CIT: variants seen among roughly 807,000 people sequenced by gnomAD.
CIT encodes citron Rho-interacting kinase.
Under a neutral mutation model 272.7 loss-of-function variants are expected in CIT, and 79 were observed. That is an observed-to-expected ratio of 0.29 (90% CI 0.24 to 0.35). The LOEUF is 0.35. CIT is among the 10% of genes least tolerant of loss of function. The pLI is 1.00. For missense variants in CIT, 1,909 were observed against 2,618.3 expected, an observed-to-expected ratio of 0.73 and a Z score of 5.91; for synonymous variants, 948 against 995.6, an observed-to-expected ratio of 0.95 and a Z score of 0.90.
chr12:119,822,769 G>A, intron 9 of CIT, 51 bp downstream of exon 9: 1 of 1,585,722 alleles, frequency 6.3e-7, no homozygotes, highest in Non-Finnish European at 8.6e-7. Context: ...GATCTCTCTT[G>A]AGTGTTTCAT....
intron 3 of CIT, among the ~76,000 whole-genome samples, chr12:119,858,916 G>A (rs1373797672): frequency 2.0e-5 from 3 of 151,902 alleles, no homozygotes; most frequent in Non-Finnish European, 4.4e-5. Flanking sequence ...CATACTACAT[G>A]TCCAAATGGA....
chr12:119,854,048 C>T (rs1970410833), intron 4 of CIT, among the ~76,000 whole-genome samples: 2 of 150,396 alleles, frequency 1.3e-5, no homozygotes, highest in Admixed American at 1.3e-4. Context: ...TTTTTTGAGA[C>T]GGAGTGTTCG....
intron 13 of CIT, among the ~76,000 whole-genome samples, chr12:119,779,928 G>T (rs75061370): frequency 0.022 from 3,402 of 152,322 alleles, 68 homozygotes; most frequent in East Asian, 0.09. Context: ...AACCTGAGAG[G>T]TGATCATCAG....
chr12:119,807,713 G>A (rs188765652), intron 9 of CIT, among the ~76,000 whole-genome samples: 1 of 152,094 alleles, frequency 6.6e-6, no homozygotes, highest in East Asian at 1.9e-4. Flanking sequence ...AAATGAAGAG[G>A]TTTTAAAAGT....
chr12:119,805,539 C>T (rs1966540809), intron 9 of CIT, among the ~76,000 whole-genome samples: 1 of 152,176 alleles, frequency 6.6e-6, no homozygotes, highest in Non-Finnish European at 1.5e-5. Flanking sequence ...TTCATCTTTC[C>T]TGCACAGGGC....
At chr12:119,858,661 AC>A (rs1950240100) in intron 3 of CIT, among the ~76,000 whole-genome samples, 1 of 152,092 alleles carries the variant, frequency 6.6e-6, no homozygotes, top group African/African-American at 2.4e-5. Context: ...TCTACCAAAA[AC>A]ATACAAAAAA....
At chr12:119,832,893 C>T (rs772561560) in intron 6 of CIT, 29 bp from the exon 7 acceptor site, 2 of 1,523,674 alleles carry the variant, frequency 1.3e-6, no homozygotes, top group South Asian at 2.3e-5. Context: ...CATGAATTGC[C>T]TCCTCCATCC....
intron 16 of CIT, 71 bp from the exon 17 acceptor site, chr12:119,772,981 C>A: frequency 9.1e-6 from 11 of 1,206,150 alleles, no homozygotes; most frequent in South Asian, 1.9e-5. Context: ...ACAGTATGTT[C>A]TGCACATGTA....
rs1957277195 is a variant in CIT, at chr12:119,713,411, G to A, written c.4487+57C>T. The A allele has an allele frequency of 6.3e-7, 1 of 1,599,884 alleles. No individual in the cohort carries two copies. The highest frequency in any genetic ancestry group is 8.5e-7 in the Non-Finnish European group (1 of 1,170,182). On this transcript the variant is annotated intron_variant, in intron 34 of 47. Coordinates refer to ENST00000392521, the MANE Select transcript of CIT (RefSeq NM_001206999.2). The surrounding 1 kb of genome is among the most constrained non-coding windows in gnomAD (Gnocchi z 5.2). ...AAAGACACTTCCCTAGAAAACATCA[G>A]GGACAGAGTGGCTTGTGCCAGCACC... is the stretch of plus-strand genomic sequence containing the variant.
intron 12 of CIT, chr12:119,783,638 G>T: frequency 3.5e-6 from 1 of 287,084 alleles, no homozygotes; most frequent in Admixed American, 4.7e-5. Context: ...TGCAACTTGC[G>T]GCAAAGATGG....
In CIT at chr12:119,697,911, T is replaced by C. The variant is rs1262346121; in HGVS notation, c.5702+65A>G. On this transcript the variant is annotated intron_variant, in intron 45 of 47. Coordinates refer to ENST00000392521, the MANE Select transcript of CIT (RefSeq NM_001206999.2). This position sits in a 1 kb window ranked among gnomAD's most constrained non-coding sequence, Gnocchi z 4.9. ...TTGCTAGGCAAGTTAGGAAGGAACATGCGGCCGGCCCCAACACCTACCCCA... is the reference window on the plus strand; with the variant it reads ...TTGCTAGGCAAGTTAGGAAGGAACACGCGGCCGGCCCCAACACCTACCCCA... 1.2e-6 allele frequency: 2 copies of C among 1,612,990 alleles called. No individual in the cohort carries two copies. Among genetic ancestry groups the C allele is most frequent in the African/African-American group, 2.7e-5 (2 of 74,880 alleles).
chr12:119,838,839 C>T (rs1289695482), intron 5 of CIT, among the ~76,000 whole-genome samples: 1 of 152,162 alleles, frequency 6.6e-6, no homozygotes, highest in African/African-American at 2.4e-5. Flanking sequence ...CTCCTGCACA[C>T]ACAATGAGCA....
intron 9 of CIT, among the ~76,000 whole-genome samples, chr12:119,810,746 G>A (rs1966840362): frequency 6.7e-6 from 1 of 149,248 alleles, no homozygotes; most frequent in South Asian, 2.1e-4. Flanking sequence ...TCTGACAACT[G>A]ATGTTAGAGC....
Position 119,869,173 on chromosome 12 carries a change from T to TA in CIT, c.124_125insT (p.Gln42LeufsTer19), listed in dbSNP as rs1261276075. On this transcript the variant is annotated frameshift_variant, in exon 3 of 48. Transcript: ENST00000392521. LOFTEE classifies it high-confidence loss of function. Reference sequence around the variant, plus strand: ...CCCTTCTCGGGAAAGAGGAGACATCTGCTGTTGAGTCATAAAGGGTGGTTT... The same window carrying TA: ...CCCTTCTCGGGAAAGAGGAGACATCTAGCTGTTGAGTCATAAAGGGTGGTTT... The TA allele has an allele frequency of 6.2e-7, 1 of 1,609,338 alleles. No individual in the cohort carries two copies. The highest frequency in any genetic ancestry group is 8.5e-7 in the Non-Finnish European group (1 of 1,179,030).
chr12:119,739,108 C>T (rs1958934993), intron 24 of CIT, among the ~76,000 whole-genome samples: 1 of 152,110 alleles, frequency 6.6e-6, no homozygotes, highest in Non-Finnish European at 1.5e-5. Flanking sequence ...GCTAAACAGA[C>T]ACAGGACTGA....
intron 22 of CIT, among the ~76,000 whole-genome samples, chr12:119,756,058 A>T (rs965506976): frequency 3.3e-5 from 5 of 152,218 alleles, no homozygotes; most frequent in Non-Finnish European, 7.3e-5. Context: ...CCTATAAAGG[A>T]GATACATTAT....
chr12:119,719,665 C>G (rs946343483), intron 30 of CIT, among the ~76,000 whole-genome samples: 1 of 152,154 alleles, frequency 6.6e-6, no homozygotes, highest in African/African-American at 2.4e-5. Context: ...CAACTTCAGC[C>G]CTCCACTCCT....
chr12:119,773,950 A>G lies in CIT; in HGVS notation c.1942-1040T>C, dbSNP rs371946076. ...TGGATAAGCAATATGCAGTATGTCT[A>G]TAAAAAGGAATATGATTCCACCTTA... On this transcript the variant is annotated intron_variant, in intron 16 of 47. Transcript: ENST00000392521. Among the ~76,000 whole-genome samples the G allele has an allele frequency of 1.9e-3, 289 of 152,334 alleles. 1 individual carries two copies. The highest frequency in any genetic ancestry group is 6.4e-3 in the African/African-American group (267 of 41,584).
chr12:119,865,068 G>A (rs1950476769), intron 3 of CIT, among the ~76,000 whole-genome samples: 1 of 152,144 alleles, frequency 6.6e-6, no homozygotes, highest in African/African-American at 2.4e-5. Flanking sequence ...TCAAAAAGGG[G>A]AGGAATAGAA....
Sources: allele counts gnomAD v4.1 joint callset (sites outside exome capture counted in the v4.1 genomes callset), GRCh38; gene constraint gnomAD v4.1.1; non-coding constraint Gnocchi (gnomAD v3.1); transcripts MANE v1.5; gene names NCBI Gene and HGNC (gene_info 2026-07-23, HGNC 2026-07-21).